The following C9 variants were observed in gnomAD, a reference collection of about 807,000 sequenced individuals.
The protein encoded by C9 is complement C9.
C9 carries 63 observed loss-of-function variants against 65.4 expected under a neutral mutation model. The ratio of observed to expected loss-of-function variants is 0.96; its 90% confidence interval spans 0.79 to 1.19. C9 has a LOEUF of 1.19. Ranked by LOEUF, C9 falls within the 50% of genes most tolerant of loss-of-function variation. C9 has a pLI of 0.00. For missense variants in C9, 744 were observed against 670.1 expected (o/e 1.11, Z -1.22); for synonymous variants, 229 against 227.9 (o/e 1.00, Z -0.04).
intron 1 of C9, among the ~76,000 whole-genome samples, chr5:39,343,267 C>T (rs543553561): frequency 2.0e-5 from 3 of 152,144 alleles, no homozygotes; most frequent in Non-Finnish European, 4.4e-5. Context: ...TCAGGGAATT[C>T]CCTTTCCTAC....
chr5:39,285,938 G>A (rs1314983123), intron 10 of C9, among the ~76,000 whole-genome samples: 1 of 152,036 alleles, frequency 6.6e-6, no homozygotes, highest in Non-Finnish European at 1.5e-5. Context: ...TTGGAAACTA[G>A]AACATTCTAT....
chr5:39,345,647 T>G (rs1446992012), intron 1 of C9, among the ~76,000 whole-genome samples: 1 of 152,136 alleles, frequency 6.6e-6, no homozygotes, highest in East Asian at 1.9e-4. Flanking sequence ...ATCCAGGAAT[T>G]TAACTCAGCT....
intron 5 of C9, among the ~76,000 whole-genome samples, chr5:39,322,945 G>A (rs1335271756): frequency 6.6e-6 from 1 of 152,086 alleles, no homozygotes; most frequent in Non-Finnish European, 1.5e-5. Context: ...CTATTTGTGA[G>A]TGGTCCTGGG....
intron 5 of C9, among the ~76,000 whole-genome samples, chr5:39,328,790 T>A (rs1753794339): frequency 6.6e-6 from 1 of 152,088 alleles, no homozygotes; most frequent in Non-Finnish European, 1.5e-5. Context: ...AAAGTTGGAT[T>A]TTCAAATTTC....
At chr5:39,329,780 C>A (rs1277083964) in intron 5 of C9, among the ~76,000 whole-genome samples, 1 of 152,034 alleles carries the variant, frequency 6.6e-6, no homozygotes, top group East Asian at 1.9e-4. Flanking sequence ...GTATAATTTG[C>A]CTTCAGGTAC....
At chr5:39,285,544 TG>T (rs987682623) in intron 10 of C9, among the ~76,000 whole-genome samples, 1 of 152,160 alleles carries the variant, frequency 6.6e-6, no homozygotes, top group African/African-American at 2.4e-5. Context: ...CTAATTGGAC[TG>T]GGTTCAAAAT....
chr5:39,341,004 A>G (rs988716118), intron 4 of C9, 142 bp downstream of exon 4: 2 of 938,220 alleles, frequency 2.1e-6, no homozygotes, highest in Non-Finnish European at 1.7e-6. Flanking sequence ...TTAAGCTTAA[A>G]GGTAGTTCAA....
chr5:39,342,134 G>A lies in C9; in HGVS notation c.140C>T (p.Pro47Leu), dbSNP rs763505034. The A allele has an allele frequency of 6.2e-7, 1 of 1,610,442 alleles. No homozygotes were observed. Among genetic ancestry groups the A allele is most frequent in the Non-Finnish European group, 8.5e-7 (1 of 1,176,718 alleles). The change falls in exon 2 of 11, where the codon CCC (proline) becomes CTC (leucine). Residue 47 changes from proline (P) to leucine (L), a missense_variant. Physicochemically the swap from Pro to Leu is moderately conservative, Grantham distance 98 (BLOSUM62 -3). Transcript: ENST00000263408. Reference protein sequence around the residue: ...SASHIDCRMSPWSEWSQCDPC... With the variant: ...SASHIDCRMSLWSEWSQCDPC... ...ATCGCATTGTGACCATTCACTCCAG[G>A]GGCTCATTCTGCAGTCTATGTGTGA...
intron 4 of C9, among the ~76,000 whole-genome samples, chr5:39,332,016 T>A (rs1433798891): frequency 6.6e-6 from 1 of 152,200 alleles, no homozygotes; most frequent in Non-Finnish European, 1.5e-5. Context: ...GAGAGGCTTA[T>A]GAACTCTTTT....
intron 1 of C9, among the ~76,000 whole-genome samples, chr5:39,359,441 A>G (rs1278110193): frequency 4.6e-5 from 7 of 152,020 alleles, no homozygotes; most frequent in African/African-American, 9.7e-5. Flanking sequence ...ATGTCGGCGT[A>G]TAAGTGGCGT....
chr5:39,343,143 C>T (rs535710534), intron 1 of C9, among the ~76,000 whole-genome samples: 1 of 152,256 alleles, frequency 6.6e-6, no homozygotes, highest in African/African-American at 2.4e-5. Flanking sequence ...AACTGAGGTA[C>T]CGGGTTCATC....
Position 39,342,835 on chromosome 5 carries a change from G to A in C9, c.78-639C>T, listed in dbSNP as rs564628028. On this transcript the variant is annotated intron_variant, in intron 1 of 10. Coordinates refer to ENST00000263408, the MANE Select transcript of C9 (RefSeq NM_001737.5). ...CTTATGCCTCCCTTTCCACCCCTAG[G>A]CCCACTGCTCAGCAAGGCTTTTCTG... Among the ~76,000 whole-genome samples, 5 of 152,016 alleles carry A rather than the reference G, an allele frequency of 3.3e-5. No homozygotes were observed. In the East Asian group the frequency reaches 9.7e-4, roughly 29 times the overall value.
intron 1 of C9, among the ~76,000 whole-genome samples, chr5:39,349,260 ACT>A (rs1255603907): frequency 4.0e-5 from 6 of 151,120 alleles, no homozygotes; most frequent in African/African-American, 1.5e-4. Context: ...CCCCTTAGAG[ACT>A]CTGATTCATT....
chr5:39,315,862 T>C lies in C9; in HGVS notation c.783A>G (p.Ser261=), dbSNP rs188115836. 3.1e-6 allele frequency: 5 copies of C among 1,612,772 alleles called. No homozygotes were observed. Among genetic ancestry groups the C allele is most frequent in the African/African-American group, 2.7e-5 (2 of 75,004 alleles). ...AACTACCCTTGCCATGTAAAGAAAT[T>C]GAGGAGGCTGTTTCCTCACAACATT... is the stretch of plus-strand genomic sequence containing the variant. ...AEQCCEETAS[S]ISLHGKGSFR... is the part of the protein sequence containing the mutation. The change falls in exon 6 of 11, where the codon TCA becomes TCG. Residue 261 remains serine, a synonymous_variant. Coordinates refer to ENST00000263408, the MANE Select transcript of C9 (RefSeq NM_001737.5).
At chr5:39,310,324 G>A (rs558039717) in intron 7 of C9, among the ~76,000 whole-genome samples, 2 of 152,154 alleles carry the variant, frequency 1.3e-5, no homozygotes, top group Non-Finnish European at 2.9e-5. Context: ...TAGTTACAAG[G>A]GCAGAGAGGA....
intron 9 of C9, among the ~76,000 whole-genome samples, chr5:39,295,871 T>G (rs1487597285): frequency 6.6e-6 from 1 of 151,602 alleles, no homozygotes; most frequent in Non-Finnish European, 1.5e-5. Context: ...GAACCGGAAA[T>G]TAATATATCT....
intron 5 of C9, among the ~76,000 whole-genome samples, chr5:39,317,776 T>G (rs1326743754): frequency 6.6e-6 from 1 of 152,224 alleles, no homozygotes; most frequent in Admixed American, 6.5e-5. Context: ...TCAGGCAGTG[T>G]GACACCTCCA....
chr5:39,329,797 T>G (rs1406337972), intron 5 of C9, among the ~76,000 whole-genome samples: 1 of 152,150 alleles, frequency 6.6e-6, no homozygotes, highest in Non-Finnish European at 1.5e-5. Flanking sequence ...GTACTACTGA[T>G]ACACATGAGA....
At chr5:39,299,788 TA>T (rs1032583836) in intron 9 of C9, among the ~76,000 whole-genome samples, 1 of 151,614 alleles carries the variant, frequency 6.6e-6, no homozygotes, top group Admixed American at 6.6e-5. Context: ...CCCTTTACAC[TA>T]AAAAAAATAA....
Sources: allele counts gnomAD v4.1 joint callset (sites outside exome capture counted in the v4.1 genomes callset), GRCh38; gene constraint gnomAD v4.1.1; transcripts MANE v1.5; gene names NCBI Gene and HGNC (gene_info 2026-07-23, HGNC 2026-07-21).